POU2F1: variants seen among roughly 807,000 people sequenced by gnomAD.
POU2F1 encodes POU domain, class 2, transcription factor 1.
POU2F1 carries 16 observed loss-of-function variants against 84.9 expected under a neutral mutation model. That is an observed-to-expected ratio of 0.19 (90% CI 0.13 to 0.29). The LOEUF is 0.29. POU2F1 is among the 10% of genes least tolerant of loss of function. The pLI is 1.00. For synonymous variants in POU2F1, 368 were observed against 368.3 expected, an observed-to-expected ratio of 1.00 and a Z score of 0.01; for missense variants, 738 against 942.6, an observed-to-expected ratio of 0.78 and a Z score of 2.84.
chr1:167,272,498 C>T (rs749590750), intron 1 of POU2F1, among the ~76,000 whole-genome samples: 1 of 151,928 alleles, frequency 6.6e-6, no homozygotes, highest in Non-Finnish European at 1.5e-5. Flanking sequence ...TTAATTGGCT[C>T]ACAGTTCCAC....
At chr1:167,360,162 C>G (rs986232391) in intron 2 of POU2F1, among the ~76,000 whole-genome samples, 4 of 151,936 alleles carry the variant, frequency 2.6e-5, no homozygotes, top group Admixed American at 2.0e-4. Flanking sequence ...GGTTTTGGCC[C>G]TCAGTGTACC....
intron 2 of POU2F1, among the ~76,000 whole-genome samples, chr1:167,350,541 A>T (rs1658485005): frequency 6.6e-6 from 1 of 151,940 alleles, no homozygotes; most frequent in Non-Finnish European, 1.5e-5. Flanking sequence ...AAGTGTCATG[A>T]TTTCCTTCAG....
chr1:167,278,748 A>G (rs1156683416), intron 1 of POU2F1, among the ~76,000 whole-genome samples: 4 of 152,200 alleles, frequency 2.6e-5, no homozygotes, highest in Non-Finnish European at 4.4e-5. Context: ...CAGTGCTTAC[A>G]ATACGCCAGA....
intron 1 of POU2F1, among the ~76,000 whole-genome samples, chr1:167,298,278 T>G (rs1654426763): frequency 6.6e-6 from 1 of 152,142 alleles, no homozygotes; most frequent in South Asian, 2.1e-4. Flanking sequence ...TTGCATTTCT[T>G]TTTCCAAGAC....
At chr1:167,375,507 G>A (rs915986814) in intron 6 of POU2F1, among the ~76,000 whole-genome samples, 1 of 152,050 alleles carries the variant, frequency 6.6e-6, no homozygotes, top group African/African-American at 2.4e-5. Context: ...GCTATTTTTG[G>A]TTTTAAAAAA....
intron 1 of POU2F1, among the ~76,000 whole-genome samples, chr1:167,311,702 A>G (rs1655483187): frequency 6.6e-6 from 1 of 152,106 alleles, no homozygotes; most frequent in African/African-American, 2.4e-5. Context: ...ATGTAAAGAA[A>G]GAAAATATTT....
intron 1 of POU2F1, among the ~76,000 whole-genome samples, chr1:167,283,046 C>T (rs1653268041): frequency 6.6e-6 from 1 of 152,178 alleles, no homozygotes; most frequent in Non-Finnish European, 1.5e-5. Flanking sequence ...TGAACATTAA[C>T]CTATTACTAT....
intron 1 of POU2F1, among the ~76,000 whole-genome samples, chr1:167,227,497 A>T (rs959987140): frequency 6.6e-6 from 1 of 152,184 alleles, no homozygotes; most frequent in Non-Finnish European, 1.5e-5. Context: ...CTTAAAGGGA[A>T]TATATTTTTA....
intron 1 of POU2F1, among the ~76,000 whole-genome samples, chr1:167,254,744 G>A (rs553148485): frequency 3.3e-5 from 5 of 152,146 alleles, no homozygotes; most frequent in Admixed American, 6.5e-5. Context: ...TCATTTGTTC[G>A]TTTCTCTATC....
chr1:167,387,056 T>C (rs1012322474), intron 8 of POU2F1: 4 of 409,304 alleles, frequency 9.8e-6, no homozygotes, highest in Non-Finnish European at 2.0e-5. Context: ...AAGAGTGAGG[T>C]TGGGATTTTG....
In POU2F1 at chr1:167,312,608, G is replaced by A. The variant is rs1216459834; in HGVS notation, c.62-19862G>A. Among the ~76,000 whole-genome samples the A allele has an allele frequency of 2.6e-5, 4 of 151,930 alleles. 1 individual carries two copies. The highest frequency in any genetic ancestry group is 6.3e-3 in the Middle Eastern group (2 of 316). On this transcript the variant is annotated intron_variant, in intron 1 of 15. Transcript: ENST00000367866. The stretch of plus-strand genomic sequence containing the variant: ...GAGCTAAGGTTAACTTATTATTCAA[G>A]AAAGAAAAATATATTTTTATAAATT...
chr1:167,408,980 A>G (rs1332660032), intron 13 of POU2F1, among the ~76,000 whole-genome samples: 3 of 152,212 alleles, frequency 2.0e-5, no homozygotes, highest in Admixed American at 6.5e-5. Flanking sequence ...GTGATCTGCA[A>G]ATGTTTTCTC....
chr1:167,363,532 T>C (rs570224855), intron 2 of POU2F1, among the ~76,000 whole-genome samples: 138 of 152,302 alleles, frequency 9.1e-4, no homozygotes, highest in African/African-American at 3.2e-3. Flanking sequence ...CTTCTACATG[T>C]GGCTTATGGA....
chr1:167,344,874 A>T (rs1013671524), intron 2 of POU2F1, among the ~76,000 whole-genome samples: 1 of 152,176 alleles, frequency 6.6e-6, no homozygotes, highest in Non-Finnish European at 1.5e-5. Flanking sequence ...AGAACAGATG[A>T]TGCAGCCATA....
chr1:167,407,953 C>G (rs763487791), intron 13 of POU2F1, among the ~76,000 whole-genome samples: 6 of 152,182 alleles, frequency 3.9e-5, no homozygotes, highest in Non-Finnish European at 8.8e-5. Flanking sequence ...AAGCCACAGA[C>G]TGAGAGAAAA....
intron 1 of POU2F1, among the ~76,000 whole-genome samples, chr1:167,299,449 T>A (rs1654506626): frequency 6.6e-6 from 1 of 152,232 alleles, no homozygotes; most frequent in Admixed American, 6.5e-5. Context: ...TTAGGTTTGC[T>A]GCCCTGTGTG....
chr1:167,228,575 T>A (rs528080762), intron 1 of POU2F1, among the ~76,000 whole-genome samples: 63 of 152,350 alleles, frequency 4.1e-4, no homozygotes, highest in South Asian at 1.4e-3. Context: ...GGACACTGAA[T>A]TGTCTAATTG....
chr1:167,360,618 G>A (rs1659295784), intron 2 of POU2F1, among the ~76,000 whole-genome samples: 1 of 152,162 alleles, frequency 6.6e-6, no homozygotes, highest in Admixed American at 6.5e-5. Context: ...TTGAAGTCAG[G>A]TAATGTGATG....
At position 167,413,050 on chromosome 1, in the gene POU2F1, AG is replaced by A; in HGVS notation, c.1929del (p.Thr644ProfsTer2). The A allele has an allele frequency of 6.2e-7, 1 of 1,614,144 alleles. No homozygotes were observed. Among genetic ancestry groups the A allele is most frequent in the Non-Finnish European group, 8.5e-7 (1 of 1,179,972 alleles). ...GAGGTGCCTTACTCAGTCTGAATCC[AG>A]GGACCCTGAGCGGTGCTCTCAGCCC... ...AGGALLSLNP[G>X]TLSGALSPAL... On this transcript the variant is annotated frameshift_variant, in exon 15 of 16. Transcript: ENST00000367866. LOFTEE classifies it high-confidence loss of function.
Sources: gnomAD v4.1 joint callset for allele counts (sites outside exome capture counted in the v4.1 genomes callset) on GRCh38, gnomAD v4.1.1 for gene constraint, MANE v1.5 for transcripts, NCBI Gene and HGNC (gene_info 2026-07-23, HGNC 2026-07-21) for gene names.